The following ZDHHC11 variants were observed in gnomAD, a reference collection of about 807,000 sequenced individuals.
The protein encoded by ZDHHC11 is palmitoyltransferase ZDHHC11.
Under a neutral mutation model 51.3 loss-of-function variants are expected in ZDHHC11, and 44 were observed. That is an observed-to-expected ratio of 0.86 (90% CI 0.67 to 1.10). The LOEUF (loss-of-function observed/expected upper bound fraction) is 1.10, where lower values mean the gene tolerates loss of function less well. ZDHHC11 is among the 50% of genes least tolerant of loss of function. The pLI, the probability that ZDHHC11 is intolerant of heterozygous loss-of-function variation, is 0.00. For synonymous variants in ZDHHC11, 163 were observed against 222.0 expected (o/e 0.73, Z 2.36); for missense variants, 400 against 537.7 (o/e 0.74, Z 2.53).
intron 1 of ZDHHC11, chr5:849,566 T>A (rs764986998): frequency 6.6e-6 from 1 of 151,200 alleles, no homozygotes; most frequent in Non-Finnish European, 1.5e-5. Flanking sequence ...CGAGAATAGC[T>A]CAGGGAAACC....
At chr5:839,469 C>G (rs1286100996) in intron 5 of ZDHHC11, 3 of 146,574 alleles carry the variant, frequency 2.0e-5, no homozygotes, top group Non-Finnish European at 4.5e-5. Context: ...AGGATTTAAT[C>G]CAGTGATTTT....
chr5:836,909 T>C (rs951758121), intron 6 of ZDHHC11, among the ~76,000 whole-genome samples: 2 of 146,708 alleles, frequency 1.4e-5, no homozygotes, highest in African/African-American at 5.1e-5. Context: ...ATACAAAAAT[T>C]AGTCGGGCGT....
intron 5 of ZDHHC11, chr5:840,188 C>G (rs1744557529): frequency 2.9e-6 from 2 of 682,052 alleles, no homozygotes; most frequent in Non-Finnish European, 5.4e-6. Flanking sequence ...TCCATTGTCT[C>G]TGAACATTTT....
rs575393673 is a variant in ZDHHC11, at chr5:835,416, CT to C, written c.901-1610del. Among the ~76,000 whole-genome samples, 222 of 151,938 alleles carry C rather than the reference CT, an allele frequency of 1.5e-3. 2 individuals carry two copies. Among genetic ancestry groups the C allele is most frequent in the Non-Finnish European group, 2.2e-3 (148 of 67,838 alleles). The stretch of plus-strand genomic sequence containing the variant: ...CTGGTCCATTTCTCTATATCTGTCT[CT>C]GTCGGTGCCACACTGTTTTTATTAC... On this transcript the variant is annotated intron_variant, in intron 6 of 12. Transcript: ENST00000283441.
intron 12 of ZDHHC11, among the ~76,000 whole-genome samples, chr5:796,891 T>C (rs1285199922): frequency 6.6e-6 from 1 of 152,222 alleles, no homozygotes; most frequent in Non-Finnish European, 1.5e-5. Context: ...ATAACCCATC[T>C]TTTATCACTA....
In ZDHHC11 at chr5:797,769, T is replaced by A. The variant is rs149379664; in HGVS notation, c.*8-1189A>T. ...TGTTTCTACTACGTTTTCTGCTGCTTCTCACTCAGTGCTTTATTTTCACAT... is the reference window on the plus strand; with the variant it reads ...TGTTTCTACTACGTTTTCTGCTGCTACTCACTCAGTGCTTTATTTTCACAT... On this transcript the variant is annotated intron_variant, in intron 12 of 12. Coordinates refer to ENST00000283441, the MANE Select transcript of ZDHHC11 (RefSeq NM_024786.3). 1.1e-3 allele frequency among the ~76,000 whole-genome samples: 164 copies of A among 151,684 alleles called. 2 individuals are homozygous for A. The highest frequency in any genetic ancestry group is 3.8e-3 in the African/African-American group (159 of 41,386).
intron 9 of ZDHHC11, among the ~76,000 whole-genome samples, 177 bp downstream of exon 9, chr5:821,684 T>C (rs575506812): frequency 8.6e-5 from 13 of 151,564 alleles, no homozygotes; most frequent in African/African-American, 3.1e-4. Context: ...CAGGCTGCTG[T>C]GATTCCACAG....
upstream of ZDHHC11, among the ~76,000 whole-genome samples, chr5:854,766 A>C (rs376558092): frequency 2.5e-5 from 2 of 79,490 alleles, no homozygotes; most frequent in South Asian, 5.7e-4. Flanking sequence ...AGCGAGCCGG[A>C]GGGCACAGAC....
chr5:815,009 G>A (rs1197293777), intron 10 of ZDHHC11, among the ~76,000 whole-genome samples: 1 of 151,392 alleles, frequency 6.6e-6, no homozygotes, highest in East Asian at 1.9e-4. Context: ...AAATTCATAG[G>A]TTGACATCCT....
intron 11 of ZDHHC11, among the ~76,000 whole-genome samples, chr5:802,408 T>C (rs1388026778): frequency 6.6e-6 from 1 of 151,190 alleles, no homozygotes; most frequent in African/African-American, 2.4e-5. Flanking sequence ...AATGAAAACA[T>C]AAAGGCATGA....
upstream of ZDHHC11, among the ~76,000 whole-genome samples, chr5:852,932 CGA>C (rs1747490014): frequency 7.5e-6 from 1 of 133,364 alleles, no homozygotes; most frequent in Non-Finnish European, 1.6e-5. Flanking sequence ...GACAGCGAGC[CGA>C]GGGGACAGAC....
chr5:807,894 G>A lies in ZDHHC11; in HGVS notation c.1182-6730C>T, dbSNP rs543724058. Among the ~76,000 whole-genome samples the A allele has an allele frequency of 5.3e-5, 8 of 150,650 alleles. No homozygotes were observed. The East Asian group carries it at 1.6e-3, about 30-fold the overall frequency. The stretch of plus-strand genomic sequence containing the variant: ...CTTTGCATTCCTGTGAAGAGTGAGA[G>A]AGGTCAGCCTGGGATGCCTCTGGGG... On this transcript the variant is annotated intron_variant, in intron 11 of 12. Coordinates refer to ENST00000283441, the MANE Select transcript of ZDHHC11 (RefSeq NM_024786.3).
At chr5:799,779 T>A (rs540328298) in intron 12 of ZDHHC11, among the ~76,000 whole-genome samples, 13 of 151,818 alleles carry the variant, frequency 8.6e-5, no homozygotes, top group South Asian at 2.1e-4. Context: ...AATTTTTTAC[T>A]GCACCAATTT....
rs1737475690 is a variant in ZDHHC11, at chr5:795,759, C to T, written c.*829G>A. 6.5e-6 allele frequency: 1 copy of T among 154,490 alleles called. No individual in the cohort carries two copies. The allele number at this position is 154,490 out of a possible 1,614,324, so 9.6% of individuals were successfully genotyped here. A position where few individuals can be genotyped will look rare whatever the true frequency, so the allele number is the denominator to read the frequency against. On this transcript the variant is annotated 3_prime_UTR_variant, in exon 13 of 13. Coordinates refer to ENST00000283441, the MANE Select transcript of ZDHHC11 (RefSeq NM_024786.3). ...TGTCTACTAAGATAAGAAGTCTGGG[C>T]TAGGCTGAAAAACTCAGAATCCAGG...
chr5:811,745 G>A (rs1740118199), intron 11 of ZDHHC11, among the ~76,000 whole-genome samples: 1 of 151,056 alleles, frequency 6.6e-6, no homozygotes, highest in Admixed American at 6.6e-5. Context: ...AGGTTTCCTG[G>A]AACCGAAACA....
At chr5:835,870 AC>A (rs369867984) in intron 6 of ZDHHC11, among the ~76,000 whole-genome samples, 2 of 151,798 alleles carry the variant, frequency 1.3e-5, no homozygotes, top group African/African-American at 4.8e-5. Flanking sequence ...TAAAAATATA[AC>A]CCGGATTTTT....
intron 5 of ZDHHC11, among the ~76,000 whole-genome samples, chr5:839,047 C>A (rs1250294524): frequency 1.5e-5 from 2 of 131,436 alleles, no homozygotes; most frequent in Admixed American, 7.5e-5. Context: ...GGGGACTCAC[C>A]CTGACTCTAA....
Position 834,913 on chromosome 5 carries a change from GT to G in ZDHHC11, c.901-1107del, listed in dbSNP as rs1475238644. ...TTCATGTGACTTGTTTTACTGACAT[GT>G]TTACTTTATTGTGGCTTTCTAAAAC... On this transcript the variant is annotated intron_variant, in intron 6 of 12. Transcript: ENST00000283441. Among the ~76,000 whole-genome samples the G allele has an allele frequency of 8.0e-3, 1,211 of 151,930 alleles. 12 individuals carry two copies. The highest frequency in any genetic ancestry group is 0.028 in the African/African-American group (1,140 of 41,396).
intron 10 of ZDHHC11, among the ~76,000 whole-genome samples, chr5:819,271 T>C (rs1395037254): frequency 1.3e-5 from 2 of 151,582 alleles, no homozygotes; most frequent in Non-Finnish European, 3.0e-5. Context: ...CGCAGCCTGA[T>C]GGTGGCACTG....
Sources: gnomAD v4.1 joint callset for allele counts (sites outside exome capture counted in the v4.1 genomes callset) on GRCh38, gnomAD v4.1.1 for gene constraint, MANE v1.5 for transcripts, NCBI Gene and HGNC (gene_info 2026-07-23, HGNC 2026-07-21) for gene names.